Variants in PROM2 observed in about 807,000 individuals in gnomAD.
PROM2 encodes prominin 2, also known as prominin-2.
In PROM2, 90 loss-of-function variants were observed where a neutral mutation model predicts 110.2. The observed-to-expected ratio is 0.82, with a 90% CI of 0.69 to 0.97. The LOEUF is 0.97. Among genes scored for constraint, PROM2 ranks in the 50% least tolerant of loss-of-function variants. The pLI is 0.00. For synonymous variants in PROM2, 470 were observed against 467.8 expected (o/e 1.00, Z -0.06); for missense variants, 1,009 against 1,074.8 (o/e 0.94, Z 0.86).
At chr2:95,289,084 G>A in intron 23 of PROM2, 78 bp downstream of exon 23, 1 of 1,206,834 alleles carries the variant, frequency 8.3e-7, no homozygotes, top group Non-Finnish European at 1.2e-6. Context: ...GGGGTCTGGG[G>A]TTTCCAGGGC....
chr2:95,274,754 C>T lies in PROM2; in HGVS notation c.169C>T (p.Pro57Ser). 6.2e-7 allele frequency: 1 copy of T among 1,611,872 alleles called. No individual in the cohort carries two copies. Among genetic ancestry groups the T allele is most frequent in the Non-Finnish European group, 8.5e-7 (1 of 1,179,890 alleles). The change falls in exon 1 of 24, where the codon CCA (proline) becomes TCA (serine). Residue 57 changes from proline to serine, a missense_variant. Pro to Ser is a moderately conservative substitution (Grantham distance 74). Transcript: ENST00000317620. ...ARWLAPRVRA[P>S]GLLDSLYGTV... ...GTGGCTGGCCCCTCGAGTTCGTGCG[C>T]CAGGACTCCTGGACTCCCTCTATGG...
In PROM2 at chr2:95,279,052, G is replaced by A. The variant is rs200091532; in HGVS notation, c.1182G>A (p.Leu394=). The change falls in exon 10 of 24, where the codon TTG becomes TTA. Residue 394 remains leucine (L), a synonymous_variant. Transcript: ENST00000317620. The part of the protein sequence containing the change: ...VRTLAEGFPG[L]EAASRWAQAL... ...CACTGGCTGAAGGGTTCCCGGGCTTGGAGGCAGCTTCCCGCTGGGCCCAGG... is the reference window on the plus strand; with the variant it reads ...CACTGGCTGAAGGGTTCCCGGGCTTAGAGGCAGCTTCCCGCTGGGCCCAGG... 5.6e-6 allele frequency: 9 copies of A among 1,613,078 alleles called. No individual in the cohort carries two copies. In the Admixed American group the frequency reaches 1.5e-4, roughly 27 times the overall value.
chr2:95,286,383 A>C, intron 16 of PROM2, 96 bp from the exon 17 acceptor site: 1 of 1,089,138 alleles, frequency 9.2e-7, no homozygotes, highest in Non-Finnish European at 1.4e-6. Flanking sequence ...CTCTGAGCCC[A>C]GCACTCCCAC....
At position 95,279,051 on chromosome 2, in the gene PROM2, T is replaced by C; in HGVS notation, c.1181T>C (p.Leu394Ser). Residue 394 changes from leucine to serine, a missense_variant, in exon 10 of 24, where the codon TTG becomes TCG. Physicochemically the swap from Leu to Ser is moderately radical, Grantham distance 145. Coordinates refer to ENST00000317620, the MANE Select transcript of PROM2 (RefSeq NM_001165978.3). ...VRTLAEGFPG[L>S]EAASRWAQAL... is the part of the protein sequence containing the mutation. ...ACACTGGCTGAAGGGTTCCCGGGCT[T>C]GGAGGCAGCTTCCCGCTGGGCCCAG... 1 of 1,612,520 alleles carries C rather than the reference T, an allele frequency of 6.2e-7. No individual in the cohort carries two copies. Among genetic ancestry groups the C allele is most frequent in the Non-Finnish European group, 8.5e-7 (1 of 1,179,500 alleles).
At chr2:95,289,072 C>T in intron 23 of PROM2, 66 bp downstream of exon 23, 7 of 705,730 alleles carry the variant, frequency 9.9e-6, no homozygotes, top group Non-Finnish European at 1.7e-5. Flanking sequence ...TGGGGAGGGG[C>T]TGGGGTCTGG....
Position 95,274,725 on chromosome 2 carries a change from C to T in PROM2, c.140C>T (p.Ala47Val), listed in dbSNP as rs1312032825. The change falls in exon 1 of 24, where the codon GCC (alanine) becomes GTC (valine). Residue 47 changes from alanine to valine, a missense_variant. By Grantham distance (64) the Ala-to-Val change is moderately conservative (BLOSUM62 0). Coordinates refer to ENST00000317620, the MANE Select transcript of PROM2 (RefSeq NM_001165978.3). ...EHLTFTPAAR[A>V]RWLAPRVRAP... ...CTGACATTCACCCCAGCAGCCAGGG[C>T]CCGGTGGCTGGCCCCTCGAGTTCGT... 1.2e-6 allele frequency: 2 copies of T among 1,612,356 alleles called. No homozygotes were observed. Among genetic ancestry groups the T allele is most frequent in the South Asian group, 1.1e-5 (1 of 91,056 alleles).
Position 95,279,105 on chromosome 2 carries a change from G to T in PROM2, c.1235G>T (p.Arg412Leu). ...CTGCAGGAGGTGGAGGAGAGCAGCC[G>T]CCCCTACCTGCAGGAGGTGCAGAGA... ...QALQEVEESSRPYLQEVQRYE... is the reference protein window; with the variant it reads ...QALQEVEESSLPYLQEVQRYE... Residue 412 changes from arginine (R) to leucine (L), a missense_variant, in exon 10 of 24, where the codon CGC becomes CTC. Transcript: ENST00000317620. 1 of 1,338,052 alleles carries T rather than the reference G, an allele frequency of 7.5e-7. No homozygotes were observed. Among genetic ancestry groups the T allele is most frequent in the Admixed American group, 2.2e-5 (1 of 46,280 alleles). 82.9% of individuals were successfully genotyped at this position (1,338,052 alleles called of 1,614,324 possible). A position where few individuals can be genotyped will look rare whatever the true frequency, so the allele number is the denominator to read the frequency against.
chr2:95,285,522 A>G lies in PROM2; in HGVS notation c.1876-117A>G, dbSNP rs550939672. 20 of 767,222 alleles carry G rather than the reference A, an allele frequency of 2.6e-5. No homozygotes were observed. The African/African-American group carries it at 3.3e-4, about 13-fold the overall frequency. 47.5% of individuals were successfully genotyped at this position (767,222 alleles called of 1,614,324 possible). On this transcript the variant is annotated intron_variant, in intron 15 of 23. Coordinates refer to ENST00000317620, the MANE Select transcript of PROM2 (RefSeq NM_001165978.3). ...CACTGTGACTGATGTGTCACAATAC[A>G]CTTAGCTGGTGTAGGTTATATTTGA...
rs146414427 is a variant in PROM2 at position 95,284,846 on chromosome 2, T to C, written c.1729-123T>C. ...CAACACCGGGGATCACATTGCAACA[T>C]GAAATTTGGAGGGGACAAATATCCA... On this transcript the variant is annotated intron_variant, in intron 14 of 23. Coordinates refer to ENST00000317620, the MANE Select transcript of PROM2 (RefSeq NM_001165978.3). 8.8e-3 allele frequency: 10,195 copies of C among 1,154,736 alleles called. 74 individuals are homozygous for C. The highest frequency in any genetic ancestry group is 0.013 in the Middle Eastern group (47 of 3,716). 71.5% of individuals were successfully genotyped at this position (1,154,736 alleles called of 1,614,324 possible). A position where few individuals can be genotyped will look rare whatever the true frequency, so the allele number is the denominator to read the frequency against.
intron 22 of PROM2, 57 bp downstream of exon 22, chr2:95,288,646 C>T: frequency 6.9e-7 from 1 of 1,451,470 alleles, no homozygotes; most frequent in South Asian, 1.2e-5. Context: ...GTCCTTTCAG[C>T]CGCCAGGGTC....
chr2:95,287,771 C>G (rs1386786080), intron 20 of PROM2, among the ~76,000 whole-genome samples: 3 of 152,208 alleles, frequency 2.0e-5, no homozygotes, highest in Non-Finnish European at 4.4e-5. Flanking sequence ...CAAGGCCAAT[C>G]CTCAAAGCCC....
rs1219798837 is a variant in PROM2, at chr2:95,285,661, C to T, written c.1898C>T (p.Thr633Ile). Residue 633 changes from threonine (T) to isoleucine (I), a missense_variant, in exon 16 of 24, where the codon ACC (threonine) becomes ATC (isoleucine). Transcript: ENST00000317620. ...CAGATCCAGAGGCCCGTGGTGAAGA[C>T]CAGCATGGAGCAGCTGGCCCAGGAG... ...LVQIQRPVVK[T>I]SMEQLAQELQ... 5.6e-6 allele frequency: 9 copies of T among 1,603,882 alleles called. No homozygotes were observed. The highest frequency in any genetic ancestry group is 5.4e-5 in the African/African-American group (4 of 74,722).
intron 12 of PROM2, 66 bp from the exon 13 acceptor site, chr2:95,281,859 C>A (rs768408046): frequency 5.0e-5 from 56 of 1,124,958 alleles, no homozygotes; most frequent in Non-Finnish European, 6.8e-5. Context: ...GGGCCAGGCC[C>A]TAGGGGACCA....
rs1197388507 is a variant in PROM2, at chr2:95,277,286, G to A, written c.773-78G>A. ...GATTTGCAGGTCCCTTTGGCTGGGGGAGGGGAGTTCTGCCTCCTGCAAGGC... is the reference window on the plus strand; with the variant it reads ...GATTTGCAGGTCCCTTTGGCTGGGGAAGGGGAGTTCTGCCTCCTGCAAGGC... On this transcript the variant is annotated intron_variant, in intron 6 of 23. Transcript: ENST00000317620. 4.8e-6 allele frequency: 7 copies of A among 1,447,750 alleles called. No individual in the cohort carries two copies. In the Admixed American group the frequency reaches 9.9e-5, roughly 20 times the overall value. The allele number at this position is 1,447,750 out of a possible 1,614,324, so 89.7% of individuals were successfully genotyped here.
In PROM2 at chr2:95,276,172, C is replaced by T; in HGVS notation, c.497+40C>T. ...AGGGCCCGGGTAGGGCGGGCTGTGG[C>T]CCCCAGGCTCCCTCTTACCCAGCAA... On this transcript the variant is annotated intron_variant, in intron 3 of 23. Coordinates refer to ENST00000317620, the MANE Select transcript of PROM2 (RefSeq NM_001165978.3). The surrounding 1 kb of genome is among the most constrained non-coding windows in gnomAD (Gnocchi z 4.6). 4 of 1,611,806 alleles carry T rather than the reference C, an allele frequency of 2.5e-6. No homozygotes were observed. The highest frequency in any genetic ancestry group is 1.1e-5 in the South Asian group (1 of 90,978).
At chr2:95,288,674 C>A in intron 22 of PROM2, 85 bp downstream of exon 22, 2 of 1,178,480 alleles carry the variant, frequency 1.7e-6, no homozygotes, top group Non-Finnish European at 2.5e-6. Context: ...ACAGCCCCTC[C>A]TGAGACCTCC....
chr2:95,287,303 G>C, intron 19 of PROM2, 90 bp downstream of exon 19: 1 of 1,573,134 alleles, frequency 6.4e-7, no homozygotes, highest in Non-Finnish European at 8.7e-7. Flanking sequence ...AGCTGGGCCT[G>C]TCCTCAAGTT....
intron 8 of PROM2, chr2:95,278,319 C>T (rs1676802218): frequency 5.6e-6 from 3 of 532,748 alleles, no homozygotes; most frequent in Non-Finnish European, 6.8e-6. Context: ...GAGTCAGCGC[C>T]CAGGACCCAG....
Position 95,276,792 on chromosome 2 carries a change from T to C in PROM2, c.682+135T>C. 1 of 1,170,344 alleles carries C rather than the reference T, an allele frequency of 8.5e-7. No homozygotes were observed. The highest frequency in any genetic ancestry group is 1.2e-6 in the Non-Finnish European group (1 of 808,882). 72.5% of individuals were successfully genotyped at this position (1,170,344 alleles called of 1,614,324 possible). On this transcript the variant is annotated intron_variant, in intron 5 of 23. Transcript: ENST00000317620. The surrounding 1 kb of genome is among the most constrained non-coding windows in gnomAD (Gnocchi z 4.6). ...TGGTAGAGGTGGGGATCAGGCCGGC[T>C]GGAGAGCAAGAGTGGCCGCCACTCA...
Sources: gnomAD v4.1 joint callset for allele counts (sites outside exome capture counted in the v4.1 genomes callset) on GRCh38, gnomAD v4.1.1 for gene constraint, Gnocchi (gnomAD v3.1) non-coding constraint, MANE v1.5 for transcripts, NCBI Gene and HGNC (gene_info 2026-07-23, HGNC 2026-07-21) for gene names.